GALNT13: variants seen among roughly 807,000 people sequenced by gnomAD.
The protein encoded by GALNT13 is UDP-GalNAc:polypeptide N-acetylgalactosaminyltransferase 13.
In GALNT13, 28 loss-of-function variants were observed where a neutral mutation model predicts 64.2. That is an observed-to-expected ratio of 0.44 (90% CI 0.32 to 0.60). GALNT13 has a LOEUF of 0.60. GALNT13 is among the 20% of genes least tolerant of loss of function. The pLI, the probability that GALNT13 is intolerant of heterozygous loss-of-function variation, is 0.05. For synonymous variants in GALNT13, 214 were observed against 224.6 expected, an observed-to-expected ratio of 0.95 and a Z score of 0.42; for missense variants, 577 against 669.8, an observed-to-expected ratio of 0.86 and a Z score of 1.53.
intron 3 of GALNT13, among the ~76,000 whole-genome samples, chr2:153,965,027 A>T (rs1011856481): frequency 7.9e-5 from 12 of 152,112 alleles, no homozygotes; most frequent in African/African-American, 2.9e-4. Flanking sequence ...TGAAAATGTG[A>T]TGAATTTTTT....
At chr2:153,678,907 C>T in the GALNT13 span, among the ~76,000 whole-genome samples, 2 of 152,024 alleles carry the variant, frequency 1.3e-5, no homozygotes, top group East Asian at 3.9e-4. Flanking sequence ...TCCCAGTAGG[C>T]CACAAAAAAC....
chr2:153,426,755 CTT>C, the GALNT13 span, among the ~76,000 whole-genome samples: 2 of 151,500 alleles, frequency 1.3e-5, no homozygotes, highest in Non-Finnish European at 2.9e-5. Flanking sequence ...AAACAAAACT[CTT>C]TTTGAGCATA....
chr2:154,292,302 A>ATCCC (rs1692691143), intron 8 of GALNT13, among the ~76,000 whole-genome samples: 1 of 152,056 alleles, frequency 6.6e-6, no homozygotes, highest in Non-Finnish European at 1.5e-5. Context: ...TTATTTCATA[A>ATCCC]TTTTAATTTC....
chr2:153,639,211 A>G, the GALNT13 span, among the ~76,000 whole-genome samples: 2 of 152,232 alleles, frequency 1.3e-5, no homozygotes, highest in African/African-American at 2.4e-5. Context: ...GTTAGGTCCA[A>G]TGAAAAGGAG....
the GALNT13 span, among the ~76,000 whole-genome samples, chr2:153,249,390 T>A: frequency 6.6e-6 from 1 of 152,090 alleles, no homozygotes; most frequent in Non-Finnish European, 1.5e-5. Context: ...CACAAATCAA[T>A]GGGAAAAAAT....
At chr2:153,684,592 A>G in the GALNT13 span, among the ~76,000 whole-genome samples, 4 of 151,742 alleles carry the variant, frequency 2.6e-5, no homozygotes, top group African/African-American at 9.7e-5. Flanking sequence ...TTATGTGTTT[A>G]TTCCTGATTG....
the GALNT13 span, among the ~76,000 whole-genome samples, chr2:153,402,692 T>C: frequency 6.6e-6 from 1 of 152,228 alleles, no homozygotes; most frequent in African/African-American, 2.4e-5. Context: ...CTTCCATTGC[T>C]GATACCCTTT....
At chr2:153,635,441 C>T in the GALNT13 span, among the ~76,000 whole-genome samples, 94,787 of 127,864 alleles carry the variant, frequency 0.74, 35,367 homozygotes, top group East Asian at 0.89. Context: ...TATATATATA[C>T]ACACATATAT....
chr2:154,407,055 C>CACTGTCAGTCCA, intron 10 of GALNT13, among the ~76,000 whole-genome samples: 1 of 152,234 alleles, frequency 6.6e-6, no homozygotes, highest in East Asian at 1.9e-4. Context: ...CTTTCCAGTA[C>CACTGTCAGTCCA]CACTGTCAGA....
intron 4 of GALNT13, among the ~76,000 whole-genome samples, chr2:154,217,458 G>A (rs75563225): frequency 0.031 from 4,678 of 152,056 alleles, 86 homozygotes; most frequent in Middle Eastern, 0.071. Context: ...TTAAGTTTAT[G>A]TTTTAACTTT....
chr2:153,110,554 C>T, the GALNT13 span, among the ~76,000 whole-genome samples: 1 of 152,184 alleles, frequency 6.6e-6, no homozygotes, highest in South Asian at 2.1e-4. Flanking sequence ...GGACTTGGAT[C>T]AGGAGCTTTT....
chr2:153,586,841 A>G, the GALNT13 span, among the ~76,000 whole-genome samples: 2 of 152,176 alleles, frequency 1.3e-5, no homozygotes, highest in African/African-American at 2.4e-5. Context: ...ATCTTCTCAG[A>G]CCACAGTAAA....
At chr2:154,415,794 T>C (rs1305175864) in intron 11 of GALNT13, among the ~76,000 whole-genome samples, 1 of 152,160 alleles carries the variant, frequency 6.6e-6, no homozygotes, top group African/African-American at 2.4e-5. Flanking sequence ...ATTCAACAGA[T>C]ATATATTCAT....
intron 9 of GALNT13, among the ~76,000 whole-genome samples, chr2:154,335,599 TTTG>T (rs1695398669): frequency 1.3e-5 from 2 of 152,148 alleles, no homozygotes; most frequent in Admixed American, 6.6e-5. Context: ...GTAATGGCCC[TTTG>T]TTGTTCTTCT....
intron 3 of GALNT13, among the ~76,000 whole-genome samples, chr2:154,016,584 A>T (rs1225549134): frequency 6.6e-6 from 1 of 151,956 alleles, no homozygotes; most frequent in East Asian, 1.9e-4. Flanking sequence ...TGCCTGGCTA[A>T]CTTCTGAATT....
the GALNT13 span, among the ~76,000 whole-genome samples, chr2:153,150,571 G>A: frequency 1.3e-5 from 2 of 152,236 alleles, no homozygotes; most frequent in African/African-American, 2.4e-5. Context: ...GAATGGCATT[G>A]CCTAGGTTTT....
At chr2:153,819,508 G>C in the GALNT13 span, among the ~76,000 whole-genome samples, 143 of 152,290 alleles carry the variant, frequency 9.4e-4, no homozygotes, top group African/African-American at 3.1e-3. Context: ...TGTCAGGGCT[G>C]GTACCTGCAC....
At chr2:154,046,396 G>A (rs994818421) in intron 3 of GALNT13, among the ~76,000 whole-genome samples, 6 of 152,250 alleles carry the variant, frequency 3.9e-5, no homozygotes, top group African/African-American at 1.2e-4. Context: ...CTGGTGGGCC[G>A]TTTTCCTTTA....
intron 3 of GALNT13, among the ~76,000 whole-genome samples, chr2:154,021,286 T>C (rs1444917495): frequency 1.3e-5 from 2 of 152,230 alleles, no homozygotes; most frequent in South Asian, 2.1e-4. Flanking sequence ...ATAAATTACC[T>C]TGGGCAGTAT....
Sources: allele counts gnomAD v4.1 joint callset (sites outside exome capture counted in the v4.1 genomes callset), GRCh38; gene constraint gnomAD v4.1.1; transcripts MANE v1.5; gene names NCBI Gene and HGNC (gene_info 2026-07-23, HGNC 2026-07-21).